CACNA2D3: variants seen among roughly 807,000 people sequenced by gnomAD.
The protein encoded by CACNA2D3 is calcium voltage-gated channel auxiliary subunit alpha2delta 3.
In CACNA2D3, 60 loss-of-function variants were observed where a neutral mutation model predicts 160.6. That is an observed-to-expected ratio of 0.37 (90% CI 0.30 to 0.46). The LOEUF is 0.46. Ranked by LOEUF, CACNA2D3 falls within the 20% of genes least tolerant of loss-of-function variation. The pLI, the probability that CACNA2D3 is intolerant of heterozygous loss-of-function variation, is 1.00. For synonymous variants in CACNA2D3, 558 were observed against 492.9 expected, an observed-to-expected ratio of 1.13 and a Z score of -1.75; for missense variants, 1,205 against 1,365.0, an observed-to-expected ratio of 0.88 and a Z score of 1.85.
intron 2 of CACNA2D3, among the ~76,000 whole-genome samples, chr3:54,224,252 C>T (rs373843580): frequency 1.3e-4 from 19 of 151,036 alleles, no homozygotes; most frequent in African/African-American, 3.9e-4. Flanking sequence ...TCCTGAAGGA[C>T]GTGCCTGAAG....
At chr3:54,807,961 A>T (rs1263930368) in intron 13 of CACNA2D3, among the ~76,000 whole-genome samples, 1 of 147,630 alleles carries the variant, frequency 6.8e-6, no homozygotes, top group Non-Finnish European at 1.5e-5. Context: ...AAGAACAAAA[A>T]ACCAAACACC....
intron 35 of CACNA2D3, among the ~76,000 whole-genome samples, chr3:55,033,796 T>TAA (rs1222246184): frequency 1.6e-5 from 2 of 125,688 alleles, no homozygotes; most frequent in African/African-American, 3.4e-5. Context: ...TAAATATATT[T>TAA]TATATAATAT....
chr3:54,811,005 C>A (rs748814721), intron 13 of CACNA2D3, among the ~76,000 whole-genome samples: 1 of 152,190 alleles, frequency 6.6e-6, no homozygotes, highest in Admixed American at 6.5e-5. Context: ...ATCACATGGG[C>A]TCTCCCTGGT....
chr3:54,272,848 C>G (rs1484993961), intron 2 of CACNA2D3: 2 of 152,352 alleles, frequency 1.3e-5, no homozygotes, highest in Non-Finnish European at 2.9e-5. Flanking sequence ...CTGGCTGTCA[C>G]CACTGGGGCA....
chr3:54,257,479 C>T (rs1702318790), intron 2 of CACNA2D3, among the ~76,000 whole-genome samples: 1 of 152,120 alleles, frequency 6.6e-6, no homozygotes, highest in Non-Finnish European at 1.5e-5. Flanking sequence ...TTTTTTTCCC[C>T]CACCAGCTAT....
chr3:54,681,382 CAAAAAAAAAAA>C (rs565556596), intron 11 of CACNA2D3, among the ~76,000 whole-genome samples: 169 of 62,098 alleles, frequency 2.7e-3, no homozygotes, highest in East Asian at 0.017. Context: ...ACTAAAAATA[CAAAAAAAAAAA>C]AAAAAAAAAA....
intron 11 of CACNA2D3, among the ~76,000 whole-genome samples, chr3:54,730,562 G>A (rs1701366108): frequency 6.6e-6 from 1 of 152,104 alleles, no homozygotes; most frequent in Non-Finnish European, 1.5e-5. Context: ...GAGTGCAGTG[G>A]CGTGATCTTG....
At chr3:54,328,512 C>G (rs945448189) in intron 3 of CACNA2D3, among the ~76,000 whole-genome samples, 1 of 152,122 alleles carries the variant, frequency 6.6e-6, no homozygotes, top group East Asian at 1.9e-4. Flanking sequence ...GAACTCCTGA[C>G]CTCAGGTGAT....
intron 4 of CACNA2D3, among the ~76,000 whole-genome samples, chr3:54,401,534 T>A (rs977923346): frequency 6.6e-6 from 1 of 152,148 alleles, no homozygotes; most frequent in African/African-American, 2.4e-5. Flanking sequence ...AGGGAAATCA[T>A]CGTTAGAATG....
intron 2 of CACNA2D3, among the ~76,000 whole-genome samples, chr3:54,240,710 A>C (rs1221454646): frequency 2.0e-5 from 3 of 152,046 alleles, no homozygotes; most frequent in Non-Finnish European, 4.4e-5. Context: ...AACTATCTAA[A>C]AATAAAGTTT....
intron 4 of CACNA2D3, among the ~76,000 whole-genome samples, chr3:54,398,307 G>A (rs1199700161): frequency 2.3e-5 from 1 of 43,944 alleles, no homozygotes; most frequent in Non-Finnish European, 4.1e-5. Flanking sequence ...GCAGAATTTA[G>A]TCCATTTATA....
chr3:54,635,132 G>A lies in CACNA2D3; in HGVS notation c.1054-6996G>A, dbSNP rs929172726. ...ATCTTATGGTAAGGGGTGATATTGTGGGGTTGTTAGAAGAAACATTTGTTG... is the reference window on the plus strand; with the variant it reads ...ATCTTATGGTAAGGGGTGATATTGTAGGGTTGTTAGAAGAAACATTTGTTG... On this transcript the variant is annotated intron_variant, in intron 10 of 37. Coordinates refer to ENST00000474759, the MANE Select transcript of CACNA2D3 (RefSeq NM_018398.3). Among the ~76,000 whole-genome samples, 22 of 151,944 alleles carry A rather than the reference G, an allele frequency of 1.4e-4. 1 individual carries two copies. Among genetic ancestry groups the A allele is most frequent in the Middle Eastern group, 6.8e-3 (2 of 294 alleles).
chr3:54,248,188 C>A (rs1012697826), intron 2 of CACNA2D3, among the ~76,000 whole-genome samples: 1 of 152,008 alleles, frequency 6.6e-6, no homozygotes, highest in African/African-American at 2.4e-5. Flanking sequence ...AGGGTGGAGC[C>A]TGGCTGGGCT....
intron 11 of CACNA2D3, among the ~76,000 whole-genome samples, chr3:54,660,004 A>G (rs575482002): frequency 1.1e-3 from 160 of 152,230 alleles, no homozygotes; most frequent in Middle Eastern, 6.8e-3. Context: ...CAAAATAATG[A>G]CTTACCCTTT....
intron 31 of CACNA2D3, among the ~76,000 whole-genome samples, chr3:54,997,948 G>A (rs1702895382): frequency 6.6e-6 from 1 of 152,120 alleles, no homozygotes; most frequent in South Asian, 2.1e-4. Flanking sequence ...TTGGGAAGCA[G>A]TTTAAGTGTG....
intron 4 of CACNA2D3, among the ~76,000 whole-genome samples, chr3:54,404,569 C>A (rs1030015795): frequency 6.6e-6 from 1 of 152,048 alleles, no homozygotes; most frequent in African/African-American, 2.4e-5. Flanking sequence ...TTAAGATCTG[C>A]TGTAAGGTAA....
chr3:54,661,967 A>G (rs1699982239), intron 11 of CACNA2D3, among the ~76,000 whole-genome samples: 1 of 151,928 alleles, frequency 6.6e-6, no homozygotes, highest in Admixed American at 6.5e-5. Context: ...AGGCTTTCAT[A>G]GTACCTGCTG....
intron 10 of CACNA2D3, among the ~76,000 whole-genome samples, chr3:54,640,681 A>G (rs1699498806): frequency 6.6e-6 from 1 of 152,192 alleles, no homozygotes; most frequent in Admixed American, 6.5e-5. Context: ...CATGCCAACA[A>G]TATAAATTTG....
At chr3:54,190,084 T>C (rs1228989199) in intron 2 of CACNA2D3, among the ~76,000 whole-genome samples, 1 of 152,208 alleles carries the variant, frequency 6.6e-6, no homozygotes, top group Non-Finnish European at 1.5e-5. Flanking sequence ...TTTCTAGTTG[T>C]GTCCTCACTG....
Sources: gnomAD v4.1 joint callset for allele counts (sites outside exome capture counted in the v4.1 genomes callset) on GRCh38, gnomAD v4.1.1 for gene constraint, MANE v1.5 for transcripts, NCBI Gene and HGNC (gene_info 2026-07-23, HGNC 2026-07-21) for gene names.